SEMA6D: variants seen among roughly 807,000 people sequenced by gnomAD.
SEMA6D encodes the protein semaphorin-6D.
SEMA6D carries 35 observed loss-of-function variants against 106.6 expected under a neutral mutation model. The ratio of observed to expected loss-of-function variants is 0.33; its 90% confidence interval spans 0.25 to 0.44. The LOEUF (loss-of-function observed/expected upper bound fraction) is 0.44, where lower values mean the gene tolerates loss of function less well. SEMA6D is among the 20% of genes least tolerant of loss of function. The pLI is 1.00. For synonymous variants in SEMA6D, 499 were observed against 487.7 expected, an observed-to-expected ratio of 1.02 and a Z score of -0.31; for missense variants, 1,185 against 1,345.9, an observed-to-expected ratio of 0.88 and a Z score of 1.87.
intron 4 of SEMA6D, among the ~76,000 whole-genome samples, chr15:47,653,313 T>A (rs965980802): frequency 6.6e-5 from 10 of 152,128 alleles, no homozygotes; most frequent in Admixed American, 4.6e-4. Flanking sequence ...AAAAGAAACT[T>A]GACTCTGCGG....
At chr15:47,493,637 A>G (rs60435677) in intron 3 of SEMA6D, among the ~76,000 whole-genome samples, 49,788 of 151,950 alleles carry the variant, frequency 0.33, 8,429 homozygotes, top group Middle Eastern at 0.45. Context: ...AGTGTTTTCT[A>G]TTTGTCAAGA....
chr15:47,593,200 C>G (rs975977986), intron 3 of SEMA6D, among the ~76,000 whole-genome samples: 18 of 151,946 alleles, frequency 1.2e-4, no homozygotes, highest in Non-Finnish European at 1.9e-4. Flanking sequence ...GTCAGGAGAT[C>G]GAGACCATCC....
At chr15:47,490,966 T>C (rs1338945426) in intron 3 of SEMA6D, among the ~76,000 whole-genome samples, 1 of 152,190 alleles carries the variant, frequency 6.6e-6, no homozygotes, top group Non-Finnish European at 1.5e-5. Flanking sequence ...CTGGAGAAGA[T>C]GTGTTTCAGT....
Position 47,771,235 on chromosome 15 carries a change from G to T in SEMA6D, c.2672G>T (p.Ser891Ile). ...CTGAAGCATCTGAATGACCCAAATA[G>T]TAACCCCAAAGCCATCATGGGAGAC... Reference protein sequence around the residue: ...DLLKHLNDPNSNPKAIMGDIQ... With the variant: ...DLLKHLNDPNINPKAIMGDIQ... Residue 891 changes from serine (S) to isoleucine (I), a missense_variant, in exon 19 of 19, where the codon AGT (serine) becomes ATT (isoleucine). Ser to Ile is a moderately radical substitution (Grantham distance 142, BLOSUM62 -2). Around this residue, in one of 3 missense-constraint regions of SEMA6D, gnomAD observed 750 missense variants for 783.5 expected, o/e 0.96. Coordinates refer to ENST00000536845, the MANE Select transcript of SEMA6D (RefSeq NM_001358351.3). The T allele has an allele frequency of 1.9e-6, 3 of 1,614,020 alleles. No individual in the cohort carries two copies. Among genetic ancestry groups the T allele is most frequent in the Non-Finnish European group, 2.5e-6 (3 of 1,179,960 alleles).
At chr15:47,577,392 A>T (rs2076174145) in intron 3 of SEMA6D, among the ~76,000 whole-genome samples, 1 of 152,226 alleles carries the variant, frequency 6.6e-6, no homozygotes, top group African/African-American at 2.4e-5. Context: ...TTTCTGAAAA[A>T]GTCACTTTCA....
intron 3 of SEMA6D, among the ~76,000 whole-genome samples, chr15:47,587,070 A>G (rs1444457796): frequency 1.3e-5 from 2 of 152,146 alleles, no homozygotes; most frequent in East Asian, 3.9e-4. Flanking sequence ...GCAGACGGGA[A>G]GAAGGAGCTT....
intron 4 of SEMA6D, among the ~76,000 whole-genome samples, chr15:47,659,478 A>C (rs1017062436): frequency 5.9e-5 from 9 of 152,004 alleles, no homozygotes; most frequent in Non-Finnish European, 2.9e-5. Flanking sequence ...TGTTAAAAAA[A>C]ATTAAAGTAT....
chr15:47,654,673 T>C (rs985778436), intron 4 of SEMA6D, among the ~76,000 whole-genome samples: 2 of 152,166 alleles, frequency 1.3e-5, no homozygotes, highest in African/African-American at 4.8e-5. Flanking sequence ...CACTCTGAAT[T>C]CCCAGGAGAC....
intron 3 of SEMA6D, among the ~76,000 whole-genome samples, chr15:47,475,460 A>G (rs993314700): frequency 2.0e-5 from 3 of 152,176 alleles, no homozygotes; most frequent in African/African-American, 7.2e-5. Flanking sequence ...TCTGTATCAT[A>G]TATCACTTCC....
In SEMA6D at chr15:47,761,159, A is replaced by G. The variant is rs2082043111; in HGVS notation, c.284A>G (p.Lys95Arg). The change falls in exon 5 of 19, where the codon AAA becomes AGA. Residue 95 changes from lysine to arginine, a missense_variant and splice_region_variant. Around this residue, in one of 3 missense-constraint regions of SEMA6D, gnomAD observed 144 missense variants for 138.6 expected, o/e 1.04. Coordinates refer to ENST00000536845, the MANE Select transcript of SEMA6D (RefSeq NM_001358351.3). Reference sequence around the variant, plus strand: ...TTTGGTTTTGCTTGATTAATACAGAAACTGACATGGCGATCAAGACAACAG... The same window carrying G: ...TTTGGTTTTGCTTGATTAATACAGAGACTGACATGGCGATCAAGACAACAG... ...MPKTEVIPNK[K>R]LTWRSRQQDR... is the part of the protein sequence containing the mutation. 2 of 1,613,636 alleles carry G rather than the reference A, an allele frequency of 1.2e-6. No homozygotes were observed. Among genetic ancestry groups the G allele is most frequent in the South Asian group, 2.2e-5 (2 of 91,070 alleles).
intron 3 of SEMA6D, among the ~76,000 whole-genome samples, chr15:47,508,224 G>T (rs762239753): frequency 7.2e-5 from 11 of 152,232 alleles, no homozygotes; most frequent in Non-Finnish European, 7.3e-5. Context: ...ATAAAGGTTA[G>T]CATTCCATGG....
At chr15:47,522,654 A>G (rs1199506649) in intron 3 of SEMA6D, among the ~76,000 whole-genome samples, 1 of 152,186 alleles carries the variant, frequency 6.6e-6, no homozygotes, top group African/African-American at 2.4e-5. Flanking sequence ...GAGTCCGCCC[A>G]CTATACTGAG....
At chr15:47,656,680 A>G (rs540650944) in intron 4 of SEMA6D, among the ~76,000 whole-genome samples, 2 of 152,282 alleles carry the variant, frequency 1.3e-5, no homozygotes, top group African/African-American at 2.4e-5. Context: ...AAAGCTAGCA[A>G]CTTTTTAGTG....
Position 47,542,975 on chromosome 15 carries a change from G to C in SEMA6D, c.-86-57890G>C, listed in dbSNP as rs372286471. ...GACCTCAGGTCAAGTTAGGTGCCCT[G>C]CTGAATGTTCCCACAATGTCCTGCA... On this transcript the variant is annotated intron_variant, in intron 3 of 19. Transcript: ENST00000558014. 2.4e-4 allele frequency among the ~76,000 whole-genome samples: 37 copies of C among 152,282 alleles called. No homozygotes were observed. The East Asian group carries it at 3.7e-3, about 15-fold the overall frequency.
At chr15:47,491,676 T>A (rs1223067459) in intron 3 of SEMA6D, among the ~76,000 whole-genome samples, 1 of 152,162 alleles carries the variant, frequency 6.6e-6, no homozygotes, top group Non-Finnish European at 1.5e-5. Flanking sequence ...AAGAGAGCTA[T>A]GCATATAACA....
chr15:47,360,206 G>A (rs1434006464), intron 1 of SEMA6D: 4 of 152,194 alleles, frequency 2.6e-5, no homozygotes, highest in African/African-American at 9.7e-5. Context: ...GATGTTGGAT[G>A]TTCCTGAGGC....
intron 1 of SEMA6D, among the ~76,000 whole-genome samples, chr15:47,239,595 C>T (rs1297287896): frequency 1.3e-5 from 2 of 152,146 alleles, no homozygotes; most frequent in Admixed American, 6.5e-5. Context: ...TCGGAGTTCA[C>T]GTCTTAGGTT....
intron 9 of SEMA6D, 51 bp downstream of exon 9, chr15:47,763,155 A>C: frequency 7.1e-7 from 1 of 1,402,004 alleles, no homozygotes; most frequent in South Asian, 1.2e-5. Context: ...CATGAAATTG[A>C]GACCACTGTG....
intron 1 of SEMA6D, among the ~76,000 whole-genome samples, chr15:47,279,883 G>T (rs879558061): frequency 0.01 from 1,533 of 149,918 alleles, 30 homozygotes; most frequent in Admixed American, 0.011. Context: ...AAGACCACTT[G>T]ATCATGGTGG....
Sources: gnomAD v4.1 joint callset for allele counts (sites outside exome capture counted in the v4.1 genomes callset) on GRCh38, gnomAD v4.1.1 for gene constraint, gnomAD v4.1.1 regional missense constraint, MANE v1.5 for transcripts, NCBI Gene and HGNC (gene_info 2026-07-23, HGNC 2026-07-21) for gene names.